Variants in TLCD4 observed in about 807,000 individuals in gnomAD.
TLCD4 encodes TLC domain containing 4.
A neutral mutation model predicts 24.2 loss-of-function variants in TLCD4; 7 were observed. The ratio of observed to expected loss-of-function variants is 0.29; its 90% CI spans 0.16 to 0.54. The LOEUF (loss-of-function observed/expected upper bound fraction) is 0.54. Ranked by LOEUF, TLCD4 falls within the 20% of genes least tolerant of loss-of-function variation. TLCD4 has a pLI of 0.95. For missense variants in TLCD4, 259 were observed against 313.9 expected, an observed-to-expected ratio of 0.82 and a Z score of 1.32; for synonymous variants, 103 against 106.4, an observed-to-expected ratio of 0.97 and a Z score of 0.20.
upstream of TLCD4, among the ~76,000 whole-genome samples, chr1:95,114,809 G>C (rs1250171140): frequency 6.6e-6 from 1 of 151,270 alleles, no homozygotes; most frequent in Admixed American, 6.6e-5. Context: ...CTGGGCAACA[G>C]AGCAAGACTC....
At chr1:95,096,997 C>A in the TLCD4 span, among the ~76,000 whole-genome samples, 2 of 152,166 alleles carry the variant, frequency 1.3e-5, no homozygotes, top group African/African-American at 4.8e-5. Context: ...TCTGCCATCC[C>A]TTTCTTTTCA....
intron 1 of TLCD4, among the ~76,000 whole-genome samples, chr1:95,141,702 A>T (rs1477164945): frequency 6.6e-6 from 1 of 151,982 alleles, no homozygotes; most frequent in Non-Finnish European, 1.5e-5. Context: ...AATACCCAAT[A>T]AACATATGTT....
chr1:95,159,987 G>A (rs1441413199), intron 5 of TLCD4, among the ~76,000 whole-genome samples: 3 of 152,164 alleles, frequency 2.0e-5, no homozygotes, highest in Non-Finnish European at 4.4e-5. Context: ...TTGGCAATGC[G>A]GGCTCTTTTT....
Position 95,181,781 on chromosome 1 carries a change from G to A in TLCD4, c.473+7892G>A, listed in dbSNP as rs558444972. Among the ~76,000 whole-genome samples, 11 of 151,742 alleles carry A rather than the reference G, an allele frequency of 7.2e-5. 1 individual carries two copies. Among genetic ancestry groups the A allele is most frequent in the South Asian group, 6.2e-4 (3 of 4,802 alleles). On this transcript the variant is annotated intron_variant, in intron 6 of 6. Transcript: ENST00000370203. ...CTGGGATTACTATGCCACCACGCCC[G>A]GCTAATTTTTTGTATGTTTAGTACA...
chr1:95,152,573 G>A (rs1156484648), intron 5 of TLCD4, among the ~76,000 whole-genome samples: 1 of 152,042 alleles, frequency 6.6e-6, no homozygotes, highest in Admixed American at 6.6e-5. Context: ...TGAAGAAATA[G>A]TTGAAAAGTA....
intron 3 of TLCD4, 89 bp from the exon 4 acceptor site, chr1:95,150,119 T>C: frequency 6.8e-7 from 1 of 1,460,492 alleles, no homozygotes; most frequent in Non-Finnish European, 9.1e-7. Flanking sequence ...TAGAAAGCAA[T>C]TTTATTATAT....
At chr1:95,097,197 C>A in the TLCD4 span, among the ~76,000 whole-genome samples, 1 of 152,108 alleles carries the variant, frequency 6.6e-6, no homozygotes, top group African/African-American at 2.4e-5. Flanking sequence ...ATATCCATCA[C>A]CTTAAATATT....
At chr1:95,137,042 G>A (rs962520896) in intron 1 of TLCD4, among the ~76,000 whole-genome samples, 2 of 152,144 alleles carry the variant, frequency 1.3e-5, no homozygotes, top group African/African-American at 4.8e-5. Flanking sequence ...AGTATAAGCA[G>A]TGTTGGAGGT....
At chr1:95,157,384 C>T (rs901365539) in intron 5 of TLCD4, among the ~76,000 whole-genome samples, 3 of 152,016 alleles carry the variant, frequency 2.0e-5, no homozygotes, top group African/African-American at 7.3e-5. Flanking sequence ...GTGGTTCTGG[C>T]AATCTTGGGT....
At chr1:95,169,714 C>T (rs941365511) in intron 5 of TLCD4, among the ~76,000 whole-genome samples, 5 of 152,054 alleles carry the variant, frequency 3.3e-5, no homozygotes, top group African/African-American at 1.2e-4. Flanking sequence ...TTTGCTGTGT[C>T]ACCTAGGCTG....
intron 5 of TLCD4, chr1:95,163,191 TC>T: frequency 6.6e-6 from 1 of 152,210 alleles, no homozygotes; most frequent in South Asian, 2.1e-4. Context: ...CTCAGAGGCT[TC>T]GTTCATTTCT....
In TLCD4 at chr1:95,187,943, G is replaced by A. The variant is rs534077986; in HGVS notation, c.474-3607G>A. Among the ~76,000 whole-genome samples, 177 of 152,200 alleles carry A rather than the reference G, an allele frequency of 1.2e-3. No individual in the cohort carries two copies. In the Middle Eastern group the frequency reaches 0.034, roughly 29 times the overall value. The stretch of plus-strand genomic sequence containing the variant: ...CATGGCCTCTTCTCCGTGTGTGCAT[G>A]GAGGAAGAGGGAGAACTTTGGTCTC... On this transcript the variant is annotated intron_variant, in intron 6 of 6. Transcript: ENST00000370203.
At chr1:95,127,493 A>T (rs1676773292) in intron 1 of TLCD4, among the ~76,000 whole-genome samples, 1 of 152,170 alleles carries the variant, frequency 6.6e-6, no homozygotes, top group South Asian at 2.1e-4. Context: ...GGGGAAAATC[A>T]TGCTTTGTCC....
chr1:95,155,653 G>A (rs1329170328), intron 5 of TLCD4, among the ~76,000 whole-genome samples: 1 of 151,856 alleles, frequency 6.6e-6, no homozygotes, highest in Non-Finnish European at 1.5e-5. Flanking sequence ...GGATTAAATG[G>A]GCCCAGAGTC....
rs1679143865 is a variant in TLCD4 at position 95,194,905 on chromosome 1, A to G, written c.*3037A>G. The G allele has an allele frequency of 6.6e-6, 1 of 152,194 alleles. No individual in the cohort carries two copies. The highest frequency in any genetic ancestry group is 2.4e-5 in the African/African-American group (1 of 41,472). The allele number at this position is 152,194 out of a possible 1,614,324, so 9.4% of individuals were successfully genotyped here. ...CAAAGAAATTGACTTCTGCTCAAAT[A>G]TGTGTTGATACCCTACAGTAAATTG... On this transcript the variant is annotated 3_prime_UTR_variant, in exon 7 of 7. Transcript: ENST00000370203.
chr1:95,098,254 T>C, the TLCD4 span, among the ~76,000 whole-genome samples: 1 of 152,334 alleles, frequency 6.6e-6, no homozygotes, highest in African/African-American at 2.4e-5. Context: ...TCAATAACAC[T>C]AGTCCTCGCT....
intron 5 of TLCD4, among the ~76,000 whole-genome samples, chr1:95,170,925 A>G (rs1678191854): frequency 2.0e-5 from 3 of 151,728 alleles, no homozygotes; most frequent in Non-Finnish European, 4.4e-5. Context: ...AAATTTTTTC[A>G]TTAAAAAAAG....
chr1:95,173,629 G>T (rs1257834034), intron 5 of TLCD4, among the ~76,000 whole-genome samples, 187 bp from the exon 6 acceptor site: 1 of 152,198 alleles, frequency 6.6e-6, no homozygotes, highest in Non-Finnish European at 1.5e-5. Context: ...AAATACTGTA[G>T]AATTCCAAGG....
At chr1:95,118,815 G>GA (rs1676499996) in intron 1 of TLCD4, among the ~76,000 whole-genome samples, 1 of 152,192 alleles carries the variant, frequency 6.6e-6, no homozygotes, top group Non-Finnish European at 1.5e-5. Context: ...AACGAAATTA[G>GA]AAAAGTGTAT....
Sources: gnomAD v4.1 joint callset for allele counts (sites outside exome capture counted in the v4.1 genomes callset) on GRCh38, gnomAD v4.1.1 for gene constraint, MANE v1.5 for transcripts, NCBI Gene and HGNC (gene_info 2026-07-23, HGNC 2026-07-21) for gene names.